The following NCOA5 variants were observed in gnomAD, a reference collection of about 807,000 sequenced individuals.
NCOA5 encodes nuclear receptor coactivator 5, also known as NCoA-5.
Under a neutral mutation model 59.0 loss-of-function variants are expected in NCOA5, and 12 were observed. The observed-to-expected ratio is 0.20, with a 90% CI of 0.13 to 0.33. NCOA5 has a LOEUF of 0.33. NCOA5 is among the 10% of genes least tolerant of loss of function. The pLI is 1.00. For missense variants in NCOA5, 655 were observed against 766.6 expected, an observed-to-expected ratio of 0.85 and a Z score of 1.72; for synonymous variants, 270 against 275.5, an observed-to-expected ratio of 0.98 and a Z score of 0.20.
chr20:46,081,402 T>C (rs2084990579), intron 1 of NCOA5, among the ~76,000 whole-genome samples: 6 of 152,166 alleles, frequency 3.9e-5, no homozygotes, highest in Non-Finnish European at 8.8e-5. Flanking sequence ...AGAAATCACA[T>C]GGTCATGTAT....
intron 2 of NCOA5, among the ~76,000 whole-genome samples, chr20:46,071,750 A>G (rs77846909): frequency 2.6e-5 from 4 of 152,186 alleles, no homozygotes; most frequent in African/African-American, 9.6e-5. Context: ...TCCTGCACTA[A>G]TCCAAGTACC....
At chr20:46,071,476 C>T (rs2084882561) in intron 2 of NCOA5, among the ~76,000 whole-genome samples, 1 of 152,188 alleles carries the variant, frequency 6.6e-6, no homozygotes, top group Non-Finnish European at 1.5e-5. Flanking sequence ...CCAATCCAAG[C>T]CCTTATTTCT....
At chr20:46,063,251 T>C (rs1388628366) in intron 7 of NCOA5, 109 bp downstream of exon 7, 3 of 1,121,376 alleles carry the variant, frequency 2.7e-6, no homozygotes, top group African/African-American at 3.1e-5. Flanking sequence ...ATGGACTTAG[T>C]TCCCTTACCC....
Position 46,066,612 on chromosome 20 carries a change from T to C in NCOA5, c.629+443A>G, listed in dbSNP as rs190121491. 2.9e-3 allele frequency among the ~76,000 whole-genome samples: 444 copies of C among 152,198 alleles called. 1 individual carries two copies. Among genetic ancestry groups the C allele is most frequent in the African/African-American group, 0.01 (433 of 41,500 alleles). On this transcript the variant is annotated intron_variant, in intron 5 of 7. Transcript: ENST00000290231. ...GGGATGGGAAAGTGAGTCAGGTCAA[T>C]CTAAAAAGAACTGCAGAACTTCAGG...
At chr20:46,079,321 G>C in intron 2 of NCOA5, 66 bp downstream of exon 2, 1 of 1,494,258 alleles carries the variant, frequency 6.7e-7, no homozygotes, top group South Asian at 1.1e-5. Flanking sequence ...TTTGGTGTAC[G>C]AAGCTGGGCT....
chr20:46,088,489 C>T (rs1344633222), intron 1 of NCOA5, among the ~76,000 whole-genome samples: 1 of 152,156 alleles, frequency 6.6e-6, no homozygotes, highest in African/African-American at 2.4e-5. Context: ...GTTTTCACAC[C>T]CAGACTGACT....
At chr20:46,077,336 T>TGG (rs1303757373) in intron 2 of NCOA5, among the ~76,000 whole-genome samples, 1 of 152,232 alleles carries the variant, frequency 6.6e-6, no homozygotes, top group African/African-American at 2.4e-5. Flanking sequence ...TTTAATGCTC[T>TGG]GGCAACGGCT....
At chr20:46,074,687 T>C (rs1401221225) in intron 2 of NCOA5, among the ~76,000 whole-genome samples, 2 of 152,160 alleles carry the variant, frequency 1.3e-5, no homozygotes, top group African/African-American at 4.8e-5. Flanking sequence ...GAGCTTCTGG[T>C]AGAATGTGTC....
chr20:46,079,833 G>A (rs2084973033), intron 1 of NCOA5, among the ~76,000 whole-genome samples: 1 of 152,176 alleles, frequency 6.6e-6, no homozygotes, highest in Admixed American at 6.5e-5. Context: ...TGGGGGGGAA[G>A]ATAAGGAGAG....
chr20:46,071,095 T>A (rs969459576), intron 2 of NCOA5, among the ~76,000 whole-genome samples: 1 of 151,156 alleles, frequency 6.6e-6, no homozygotes, highest in Non-Finnish European at 1.5e-5. Flanking sequence ...TATCTCTCAA[T>A]CTGAGGGTTT....
At chr20:46,070,009 C>T (rs1404203490) in intron 3 of NCOA5, among the ~76,000 whole-genome samples, 1 of 152,194 alleles carries the variant, frequency 6.6e-6, no homozygotes, top group Non-Finnish European at 1.5e-5. Flanking sequence ...ACCTTTCCAA[C>T]ACTGTTATTT....
chr20:46,065,076 TG>T lies in NCOA5; in HGVS notation c.781del (p.Gln261ArgfsTer114). 1 of 1,614,208 alleles carries T rather than the reference TG, an allele frequency of 6.2e-7. No individual in the cohort carries two copies. ...GTTGACTGTGCAGGAGCGGTGAATC[TG>T]GTGTTGCTGGGTGATGACAATAGCA... ...PFAIVITQQH[Q>X]IHRSCTVNIM... is the part of the protein sequence containing the mutation. On this transcript the variant is annotated frameshift_variant, in exon 6 of 8. Transcript: ENST00000290231. LOFTEE classifies it high-confidence loss of function.
intron 2 of NCOA5, among the ~76,000 whole-genome samples, chr20:46,074,076 G>C (rs2084911610): frequency 6.6e-6 from 1 of 152,190 alleles, no homozygotes; most frequent in African/African-American, 2.4e-5. Flanking sequence ...GAAAGGCAAA[G>C]CCTTTTTTCC....
At chr20:46,062,930 C>G (rs2084783771) in intron 7 of NCOA5, 41 bp from the exon 8 acceptor site, 2 of 1,489,844 alleles carry the variant, frequency 1.3e-6, no homozygotes, top group East Asian at 2.3e-5. Context: ...CAAAGTACCC[C>G]CCAAGGGCAG....
At chr20:46,067,599 T>G (rs928143361) in intron 4 of NCOA5, among the ~76,000 whole-genome samples, 3 of 151,974 alleles carry the variant, frequency 2.0e-5, no homozygotes, top group Non-Finnish European at 4.4e-5. Context: ...TAGTAAAGTT[T>G]AAAATTAAAA....
At position 46,062,033 on chromosome 20, in the gene NCOA5, CAAG is replaced by C. The variant is rs2084770391; in HGVS notation, c.*264_*266del. On this transcript the variant is annotated 3_prime_UTR_variant, in exon 8 of 8. Coordinates refer to ENST00000290231, the MANE Select transcript of NCOA5 (RefSeq NM_020967.3). ...GGGACCGGAGAAACCCCATCAAATA[CAAG>C]CCCAGACACCTGTACTGCCCCCGGA... The C allele has an allele frequency of 3.4e-6, 1 of 294,214 alleles. No individual in the cohort carries two copies. Among genetic ancestry groups the C allele is most frequent in the Non-Finnish European group, 6.3e-6 (1 of 157,802 alleles). The allele number at this position is 294,214 out of a possible 1,614,324, so 18.2% of individuals were successfully genotyped here. A position where few individuals can be genotyped will look rare whatever the true frequency, so the allele number is the denominator to read the frequency against.
At chr20:46,065,956 A>G (rs1450361396) in intron 5 of NCOA5, among the ~76,000 whole-genome samples, 2 of 152,226 alleles carry the variant, frequency 1.3e-5, no homozygotes, top group African/African-American at 4.8e-5. Flanking sequence ...ATGGGGTAGT[A>G]CATAAAGTAG....
intron 1 of NCOA5, among the ~76,000 whole-genome samples, chr20:46,080,522 G>GT (rs1449900149): frequency 6.6e-6 from 1 of 152,070 alleles, no homozygotes; most frequent in Non-Finnish European, 1.5e-5. Flanking sequence ...TAATAATTAT[G>GT]TATTTTAAAA....
Position 46,067,148 on chromosome 20 carries a change from T to C in NCOA5, c.536A>G (p.Glu179Gly). The change falls in exon 5 of 8, where the codon GAG becomes GGG. Residue 179 changes from glutamate (E) to glycine (G), a missense_variant. Physicochemically the swap from Glu to Gly is moderately conservative, Grantham distance 98 (BLOSUM62 -2). Around this residue, in one of 3 missense-constraint regions of NCOA5, gnomAD observed 250 missense variants for 260.1 expected, o/e 0.96. Transcript: ENST00000290231. ...TTCCTCAAAATATTGACGATAAAGC[T>C]CTTCTCTACGCCGTTCCTCACGTTT... Reference protein sequence around the residue: ...RLKREERRREELYRQYFEEIQ... With the variant: ...RLKREERRREGLYRQYFEEIQ... 3 of 1,614,140 alleles carry C rather than the reference T, an allele frequency of 1.9e-6. No homozygotes were observed. The highest frequency in any genetic ancestry group is 2.5e-6 in the Non-Finnish European group (3 of 1,180,020).
Sources: allele counts gnomAD v4.1 joint callset (sites outside exome capture counted in the v4.1 genomes callset), GRCh38; gene constraint gnomAD v4.1.1; regional missense constraint gnomAD v4.1.1; transcripts MANE v1.5; gene names NCBI Gene and HGNC (gene_info 2026-07-23, HGNC 2026-07-21).